The following P4HB variants were observed in gnomAD, a reference collection of about 807,000 sequenced individuals.
P4HB encodes prolyl 4-hydroxylase subunit beta.
Under a neutral mutation model 52.6 loss-of-function variants are expected in P4HB, and 20 were observed. The observed-to-expected ratio is 0.38, with a 90% CI of 0.27 to 0.55. The LOEUF (loss-of-function observed/expected upper bound fraction) is 0.55, where lower values mean the gene tolerates loss of function less well. Among genes scored for constraint, P4HB ranks in the 20% least tolerant of loss-of-function variants. The probability of loss-of-function intolerance (pLI) is 0.74; values close to 1 mark genes in which losing one functional copy is unlikely to be tolerated. For missense variants in P4HB, 601 were observed against 669.2 expected (o/e 0.90, Z 1.12); for synonymous variants, 296 against 277.9 (o/e 1.07, Z -0.65).
rs1277857756 is a variant in P4HB at position 81,843,840 on chromosome 17, G to A, written c.*172C>T. On this transcript the variant is annotated 3_prime_UTR_variant, in exon 11 of 11. Coordinates refer to ENST00000331483, the MANE Select transcript of P4HB (RefSeq NM_000918.4). ...TCCAAAAACCGAAAAGCAGAAGGAA[G>A]AGACGGGGGTGAACGGACGGTGTGT... 1 of 639,050 alleles carries A rather than the reference G, an allele frequency of 1.6e-6. No individual in the cohort carries two copies. The highest frequency in any genetic ancestry group is 2.8e-6 in the Non-Finnish European group (1 of 356,896). 39.6% of individuals were successfully genotyped at this position (639,050 alleles called of 1,614,324 possible).
intron 1 of P4HB, chr17:81,859,815 A>T: frequency 4.2e-6 from 1 of 236,660 alleles, no homozygotes; most frequent in Non-Finnish European, 8.5e-6. Flanking sequence ...ACAGACCCTG[A>T]GTTGCTTAGG....
chr17:81,844,146 TGCCGGCCCC>T, intron 10 of P4HB, 54 bp from the exon 11 acceptor site: 1 of 1,262,796 alleles, frequency 7.9e-7, no homozygotes, highest in Non-Finnish European at 1.2e-6. Flanking sequence ...CAGCTGAGGC[TGCCGGCCCC>T]CAGCACCCCA....
intron 4 of P4HB, among the ~76,000 whole-genome samples, chr17:81,849,808 T>A (rs1228807253): frequency 3.3e-5 from 5 of 151,866 alleles, no homozygotes; most frequent in South Asian, 2.1e-4. Context: ...ACTACTTTTT[T>A]ATTTATTTTT....
chr17:81,852,403 G>C (rs758299785), intron 4 of P4HB, among the ~76,000 whole-genome samples: 2 of 152,220 alleles, frequency 1.3e-5, no homozygotes, highest in Non-Finnish European at 2.9e-5. Context: ...ACACAGGAAG[G>C]CCTCACTCAC....
chr17:81,855,643 C>A lies in P4HB; in HGVS notation c.353-57G>T. ...AAACAGGGAGTGCCGCCTGCCCTGC[C>A]GCGCCTGCTCCCGTCTCTGCTCTCT... On this transcript the variant is annotated intron_variant, in intron 2 of 10. Coordinates refer to ENST00000331483, the MANE Select transcript of P4HB (RefSeq NM_000918.4). The surrounding 1 kb of genome is among the most constrained non-coding windows in gnomAD (Gnocchi z 4.3). The A allele has an allele frequency of 6.4e-7, 1 of 1,571,598 alleles. No homozygotes were observed. Among genetic ancestry groups the A allele is most frequent in the Non-Finnish European group, 8.7e-7 (1 of 1,155,654 alleles).
Position 81,847,084 on chromosome 17 carries a change from A to G in P4HB, c.730-12T>C. ...ATCTTCGGGGCTGTCTGTGTTATAAACTTAAGTTACTGGGTCTGAGTCACA... is the reference window on the plus strand; with the variant it reads ...ATCTTCGGGGCTGTCTGTGTTATAAGCTTAAGTTACTGGGTCTGAGTCACA... On this transcript the variant is annotated splice_polypyrimidine_tract_variant and intron_variant, in intron 5 of 10. Transcript: ENST00000331483. 1 of 1,613,910 alleles carries G rather than the reference A, an allele frequency of 6.2e-7. No homozygotes were observed. The highest frequency in any genetic ancestry group is 8.5e-7 in the Non-Finnish European group (1 of 1,179,990).
chr17:81,845,209 G>A lies in P4HB; in HGVS notation c.1381C>T (p.Arg461Cys), dbSNP rs1466684118. Residue 461 changes from arginine (R) to cysteine (C), a missense_variant, in exon 10 of 11, where the codon CGC (arginine) becomes TGC (cysteine). Arg to Cys is a radical substitution (Grantham distance 180). Coordinates refer to ENST00000331483, the MANE Select transcript of P4HB (RefSeq NM_000918.4). ...AATTTCTTAAAACCATCCAGCGTGCGTTCCCCGTTGTAATCAATGACCTGT... is the reference window on the plus strand; with the variant it reads ...AATTTCTTAAAACCATCCAGCGTGCATTCCCCGTTGTAATCAATGACCTGT... ...DRTVIDYNGE[R>C]TLDGFKKFLE... 6 of 1,613,534 alleles carry A rather than the reference G, an allele frequency of 3.7e-6. No individual in the cohort carries two copies. Among genetic ancestry groups the A allele is most frequent in the African/African-American group, 2.7e-5 (2 of 74,946 alleles).
intron 4 of P4HB, among the ~76,000 whole-genome samples, chr17:81,849,223 G>C (rs1263142776): frequency 6.6e-6 from 1 of 151,434 alleles, no homozygotes; most frequent in Non-Finnish European, 1.5e-5. Context: ...GGCCAGGCGT[G>C]GTGGCTCACG....
Position 81,846,836 on chromosome 17 carries a change from G to A in P4HB, c.855+111C>T. 3 of 1,383,390 alleles carry A rather than the reference G, an allele frequency of 2.2e-6. No individual in the cohort carries two copies. The South Asian group carries it at 3.8e-5, about 17-fold the overall frequency. The allele number at this position is 1,383,390 out of a possible 1,614,324, so 85.7% of individuals were successfully genotyped here. ...ACATCCAGGCTGTCCTGAATCAGGT[G>A]CCCGATCCAGTCCAGCAGGCAGCCT... On this transcript the variant is annotated intron_variant, in intron 6 of 10. Transcript: ENST00000331483. The surrounding 1 kb of genome is among the most constrained non-coding windows in gnomAD (Gnocchi z 5.7).
chr17:81,844,768 G>GA (rs1292772019), intron 10 of P4HB, among the ~76,000 whole-genome samples: 1 of 152,262 alleles, frequency 6.6e-6, no homozygotes, highest in Non-Finnish European at 1.5e-5. Context: ...CTAAACTCCC[G>GA]AGGGCAGACC....
In P4HB at chr17:81,846,117, A is replaced by T; in HGVS notation, c.1057-126T>A. On this transcript the variant is annotated intron_variant, in intron 7 of 10. Transcript: ENST00000331483. The surrounding 1 kb of genome is among the most constrained non-coding windows in gnomAD (Gnocchi z 5.7). ...GGGCACACCAGGGTGGCAGCCGCAG[A>T]CACCAACAGTGCCAAGAATCCAGAA... is the stretch of plus-strand genomic sequence containing the variant. 1 of 1,210,800 alleles carries T rather than the reference A, an allele frequency of 8.3e-7. No homozygotes were observed. The highest frequency in any genetic ancestry group is 1.1e-6 in the Non-Finnish European group (1 of 893,700). 75.0% of individuals were successfully genotyped at this position (1,210,800 alleles called of 1,614,324 possible).
intron 4 of P4HB, 113 bp from the exon 5 acceptor site, chr17:81,847,460 G>A: frequency 3.6e-6 from 3 of 838,832 alleles, no homozygotes; most frequent in Non-Finnish European, 6.2e-6. Flanking sequence ...GCCCTCCCGT[G>A]GGGTTTCGAG....
At chr17:81,860,304 C>T (rs1179418813) in intron 1 of P4HB, 23 bp downstream of exon 1, 8 of 1,427,328 alleles carry the variant, frequency 5.6e-6, no homozygotes, top group Non-Finnish European at 6.4e-6. Flanking sequence ...GAGCCCCGCC[C>T]GCCCGCCAGG....
chr17:81,850,467 A>ATTTAT (rs1029929806), intron 4 of P4HB, among the ~76,000 whole-genome samples: 213 of 151,056 alleles, frequency 1.4e-3, no homozygotes, highest in African/African-American at 4.9e-3. Context: ...TATTTATTTA[A>ATTTAT]TTTATTTTAT....
At position 81,845,852 on chromosome 17, in the gene P4HB, C is replaced by A; in HGVS notation, c.1177+19G>T. 6.2e-7 allele frequency: 1 copy of A among 1,614,016 alleles called. No homozygotes were observed. Among genetic ancestry groups the A allele is most frequent in the Non-Finnish European group, 8.5e-7 (1 of 1,180,016 alleles). Reference sequence around the variant, plus strand: ...GCCCTGGTGGCACGGACCTGGGGAGCTGAAAGGGCAACACTTACAGAACTC... The same window carrying A: ...GCCCTGGTGGCACGGACCTGGGGAGATGAAAGGGCAACACTTACAGAACTC... On this transcript the variant is annotated intron_variant, in intron 8 of 10. Coordinates refer to ENST00000331483, the MANE Select transcript of P4HB (RefSeq NM_000918.4).
chr17:81,845,836 G>A (rs2143316151), intron 8 of P4HB, 35 bp downstream of exon 8: 2 of 1,613,966 alleles, frequency 1.2e-6, no homozygotes, highest in Non-Finnish European at 1.7e-6. Flanking sequence ...TGCCCTGGTG[G>A]CACGGACCTG....
At chr17:81,851,297 G>A (rs2038827294) in intron 4 of P4HB, among the ~76,000 whole-genome samples, 1 of 152,226 alleles carries the variant, frequency 6.6e-6, no homozygotes, top group Non-Finnish European at 1.5e-5. Context: ...CCGTTTCCAT[G>A]TATGCGTCTG....
intron 4 of P4HB, among the ~76,000 whole-genome samples, chr17:81,851,813 G>C (rs2038835734): frequency 6.6e-6 from 1 of 152,228 alleles, no homozygotes; most frequent in African/African-American, 2.4e-5. Context: ...ACTGCGGTAA[G>C]GGAAACTGGT....
chr17:81,850,718 G>A (rs903342355), intron 4 of P4HB, among the ~76,000 whole-genome samples: 2 of 152,092 alleles, frequency 1.3e-5, no homozygotes, highest in African/African-American at 4.8e-5. Context: ...CCTGACTTCA[G>A]GTGATCTGCC....
Sources: allele counts gnomAD v4.1 joint callset (sites outside exome capture counted in the v4.1 genomes callset), GRCh38; gene constraint gnomAD v4.1.1; non-coding constraint Gnocchi (gnomAD v3.1); transcripts MANE v1.5; gene names NCBI Gene and HGNC (gene_info 2026-07-23, HGNC 2026-07-21).